SP9: variants seen among roughly 807,000 people sequenced by gnomAD.
The protein encoded by SP9 is transcription factor Sp9.
In SP9, 5 loss-of-function variants were observed where a neutral mutation model predicts 23.0. The ratio of observed to expected loss-of-function variants is 0.22; its 90% CI spans 0.11 to 0.46. The LOEUF is 0.46. Among genes scored for constraint, SP9 ranks in the 20% least tolerant of loss-of-function variants. The probability of loss-of-function intolerance (pLI) is 0.99; values close to 1 mark genes in which losing one functional copy is unlikely to be tolerated. For missense variants in SP9, 542 were observed against 724.0 expected (o/e 0.75, Z 2.88); for synonymous variants, 360 against 356.5 (o/e 1.01, Z -0.11).
Position 174,336,981 on chromosome 2 carries a change from C to T in SP9, c.896C>T (p.Ala299Val). Reference protein sequence around the residue: ...AAAGGSSARSARRYSGRATCD... With the variant: ...AAAGGSSARSVRRYSGRATCD... ...GCCGGGGGGAGCTCGGCACGCTCTGCCCGCCGCTACTCGGGCCGCGCCACC... is the reference window on the plus strand; with the variant it reads ...GCCGGGGGGAGCTCGGCACGCTCTGTCCGCCGCTACTCGGGCCGCGCCACC... The change falls in exon 2 of 2, where the codon GCC becomes GTC. Residue 299 changes from alanine to valine, a missense_variant. By Grantham distance (64) the Ala-to-Val change is moderately conservative. Coordinates refer to ENST00000394967, the MANE Select transcript of SP9 (RefSeq NM_001145250.2). The T allele has an allele frequency of 2.8e-6, 4 of 1,437,094 alleles. No homozygotes were observed. The highest frequency in any genetic ancestry group is 2.9e-5 in the East Asian group (1 of 34,136). The allele number at this position is 1,437,094 out of a possible 1,614,324, so 89.0% of individuals were successfully genotyped here.
rs898034776 is a variant in SP9, at chr2:174,337,474, G to A, written c.1389G>A (p.Ala463=). The A allele has an allele frequency of 1.7e-5, 19 of 1,101,160 alleles. No homozygotes were observed. Among genetic ancestry groups the A allele is most frequent in the Admixed American group, 4.8e-5 (1 of 20,652 alleles). The allele number at this position is 1,101,160 out of a possible 1,614,324, so 68.2% of individuals were successfully genotyped here. Residue 463 remains alanine, a synonymous_variant, in exon 2 of 2, where the codon GCG becomes GCA. Coordinates refer to ENST00000394967, the MANE Select transcript of SP9 (RefSeq NM_001145250.2). ...ARAAAAAAAA[A]AAAAAAASAG... The stretch of plus-strand genomic sequence containing the variant: ...CGGCGGCAGCGGCGGCGGCGGCAGC[G>A]GCGGCGGCGGCGGCGGCGGCCTCCG...
Position 174,337,450 on chromosome 2 carries a change from G to T in SP9, c.1365G>T (p.Ala455=). 6 of 1,248,208 alleles carry T rather than the reference G, an allele frequency of 4.8e-6. No homozygotes were observed. Among genetic ancestry groups the T allele is most frequent in the Non-Finnish European group, 6.1e-6 (6 of 982,620 alleles). The allele number at this position is 1,248,208 out of a possible 1,614,324, so 77.3% of individuals were successfully genotyped here. A position where few individuals can be genotyped will look rare whatever the true frequency, so the allele number is the denominator to read the frequency against. Residue 455 remains alanine (A), a synonymous_variant, in exon 2 of 2, where the codon GCG becomes GCT. Coordinates refer to ENST00000394967, the MANE Select transcript of SP9 (RefSeq NM_001145250.2). ...ACTCCGGCGTCAGTGCCGCCCGGGCGGCGGCAGCGGCGGCGGCGGCAGCGG... is the reference window on the plus strand; with the variant it reads ...ACTCCGGCGTCAGTGCCGCCCGGGCTGCGGCAGCGGCGGCGGCGGCAGCGG... The part of the protein sequence containing the change: ...LHDSGVSAAR[A]AAAAAAAAAA...
Position 174,336,510 on chromosome 2 carries a change from C to T in SP9, c.425C>T (p.Ala142Val). ...ATTTCCAAGGTGCACACGACGGCAG[C>T]CGACGGGCTGTACCCGCGCGTGGGC... Reference protein sequence around the residue: ...AFISKVHTTAADGLYPRVGMA... With the variant: ...AFISKVHTTAVDGLYPRVGMA... Residue 142 changes from alanine (A) to valine (V), a missense_variant, in exon 2 of 2, where the codon GCC (alanine) becomes GTC (valine). Physicochemically the swap from Ala to Val is moderately conservative, Grantham distance 64 (BLOSUM62 0). Transcript: ENST00000394967. 7 of 1,466,186 alleles carry T rather than the reference C, an allele frequency of 4.8e-6. No individual in the cohort carries two copies. Among genetic ancestry groups the T allele is most frequent in the Non-Finnish European group, 5.4e-6 (6 of 1,112,476 alleles). 90.8% of individuals were successfully genotyped at this position (1,466,186 alleles called of 1,614,324 possible).
In SP9 at chr2:174,336,901, C is replaced by T; in HGVS notation, c.816C>T (p.Ala272=). ...PVLPSYSDSS[A]AVAAAAASAM... ...TGCCCTCCTATTCGGACTCCAGCGC[C>T]GCCGTGGCAGCCGCCGCCGCCAGCG... The change falls in exon 2 of 2, where the codon GCC becomes GCT. Residue 272 remains alanine (A), a synonymous_variant. Coordinates refer to ENST00000394967, the MANE Select transcript of SP9 (RefSeq NM_001145250.2). The T allele has an allele frequency of 4.0e-6, 6 of 1,489,522 alleles. No individual in the cohort carries two copies. The highest frequency in any genetic ancestry group is 5.3e-6 in the Non-Finnish European group (6 of 1,126,806). 92.3% of individuals were successfully genotyped at this position (1,489,522 alleles called of 1,614,324 possible).
At position 174,338,473 on chromosome 2, in the gene SP9, T is replaced by C. The variant is rs1684454397; in HGVS notation, c.*933T>C. 6.6e-6 allele frequency: 1 copy of C among 152,242 alleles called. No homozygotes were observed. The highest frequency in any genetic ancestry group is 2.1e-4 in the South Asian group (1 of 4,832). The allele number at this position is 152,242 out of a possible 1,614,324, so 9.4% of individuals were successfully genotyped here. ...AAATCTTGACATCATATTTTCATTT[T>C]GGTATTATTAAAGGACTCTGAACAA... On this transcript the variant is annotated 3_prime_UTR_variant, in exon 2 of 2. Coordinates refer to ENST00000394967, the MANE Select transcript of SP9 (RefSeq NM_001145250.2).
rs529022403 is a variant in SP9 at position 174,336,332 on chromosome 2, G to A, written c.247G>A (p.Gly83Ser). ...CTCGGGCGGCCTGGCGGGCGGCTCG[G>A]GCGCCGCCAACAGCGCCTTCTGCCT... ...RGSGGLAGGS[G>S]AANSAFCLAS... The change falls in exon 2 of 2, where the codon GGC becomes AGC. Residue 83 changes from glycine (G) to serine (S), a missense_variant. Gly to Ser is a moderately conservative substitution (Grantham distance 56). Coordinates refer to ENST00000394967, the MANE Select transcript of SP9 (RefSeq NM_001145250.2). 9.3e-4 allele frequency: 1,387 copies of A among 1,498,386 alleles called. 11 individuals carry two copies. The African/African-American group carries it at 0.019, about 20-fold the overall frequency. 92.8% of individuals were successfully genotyped at this position (1,498,386 alleles called of 1,614,324 possible). A position where few individuals can be genotyped will look rare whatever the true frequency, so the allele number is the denominator to read the frequency against.
rs1684452706 is a variant in SP9 at position 174,338,306 on chromosome 2, G to A, written c.*766G>A. The A allele has an allele frequency of 6.6e-6, 1 of 152,064 alleles. No homozygotes were observed. The highest frequency in any genetic ancestry group is 1.5e-5 in the Non-Finnish European group (1 of 68,018). The allele number at this position is 152,064 out of a possible 1,614,324, so 9.4% of individuals were successfully genotyped here. A position where few individuals can be genotyped will look rare whatever the true frequency, so the allele number is the denominator to read the frequency against. On this transcript the variant is annotated 3_prime_UTR_variant, in exon 2 of 2. Coordinates refer to ENST00000394967, the MANE Select transcript of SP9 (RefSeq NM_001145250.2). ...TTTGGGTGAATCCCTGAAATTCAGG[G>A]AGTTTTTTTTAATTTTCTGATGCAC...
chr2:174,337,486 G>GGCGGCGGCCTCC lies in SP9; in HGVS notation c.1406_1417dup (p.Ala469_Ala472dup). 1 of 1,212,014 alleles carries GGCGGCGGCCTCC rather than the reference G, an allele frequency of 8.3e-7. No individual in the cohort carries two copies. The highest frequency in any genetic ancestry group is 1.0e-6 in the Non-Finnish European group (1 of 970,272). The allele number at this position is 1,212,014 out of a possible 1,614,324, so 75.1% of individuals were successfully genotyped here. On this transcript the variant is annotated inframe_insertion, in exon 2 of 2. Coordinates refer to ENST00000394967, the MANE Select transcript of SP9 (RefSeq NM_001145250.2). ...CGGCGGCGGCAGCGGCGGCGGCGGC[G>GGCGGCGGCCTCC]GCGGCGGCCTCCGCGGGAGGCAAGG...
In SP9 at chr2:174,336,989, T is replaced by C; in HGVS notation, c.904T>C (p.Tyr302His). The C allele has an allele frequency of 6.9e-7, 1 of 1,443,910 alleles. No homozygotes were observed. Among genetic ancestry groups the C allele is most frequent in the South Asian group, 1.4e-5 (1 of 70,206 alleles). The allele number at this position is 1,443,910 out of a possible 1,614,324, so 89.4% of individuals were successfully genotyped here. Residue 302 changes from tyrosine (Y) to histidine (H), a missense_variant, in exon 2 of 2, where the codon TAC (tyrosine) becomes CAC (histidine). By Grantham distance (83) the Tyr-to-His change is moderately conservative. Coordinates refer to ENST00000394967, the MANE Select transcript of SP9 (RefSeq NM_001145250.2). ...GGSSARSARR[Y>H]SGRATCDCPN... Reference sequence around the variant, plus strand: ...GAGCTCGGCACGCTCTGCCCGCCGCTACTCGGGCCGCGCCACCTGCGACTG... The same window carrying C: ...GAGCTCGGCACGCTCTGCCCGCCGCCACTCGGGCCGCGCCACCTGCGACTG...
rs754681222 is a variant in SP9 at position 174,337,456 on chromosome 2, AGCGGCGGCGGCGGCAGCGGCGGCGGCG to A, written c.1383_1409del (p.Ala462_Ala470del). ...GCGTCAGTGCCGCCCGGGCGGCGGC[AGCGGCGGCGGCGGCAGCGGCGGCGGCG>A]GCGGCGGCGGCCTCCGCGGGAGGCA... On this transcript the variant is annotated inframe_deletion, in exon 2 of 2. Transcript: ENST00000394967. 1.5e-4 allele frequency: 195 copies of A among 1,265,872 alleles called. 35 individuals carry two copies. The highest frequency in any genetic ancestry group is 5.3e-4 in the South Asian group (18 of 33,868). 78.4% of individuals were successfully genotyped at this position (1,265,872 alleles called of 1,614,324 possible).
chr2:174,336,247 G>T lies in SP9; in HGVS notation c.162G>T (p.Ser54=). The part of the protein sequence containing the change: ...KGGFHPWKRS[S]SSCNLGSSLS... ...GCTTTCACCCCTGGAAGCGCTCCTC[G>T]TCCAGCTGCAACCTCGGCTCCAGCC... The change falls in exon 2 of 2, where the codon TCG becomes TCT. Residue 54 remains serine (S), a synonymous_variant. Coordinates refer to ENST00000394967, the MANE Select transcript of SP9 (RefSeq NM_001145250.2). 1 of 1,546,564 alleles carries T rather than the reference G, an allele frequency of 6.5e-7. No homozygotes were observed.
intron 1 of SP9, 28 bp downstream of exon 1, chr2:174,335,141 G>A: frequency 6.4e-7 from 1 of 1,551,592 alleles, no homozygotes; most frequent in Non-Finnish European, 8.7e-7. Context: ...CAACGCATTT[G>A]CTTGTTTTAA....
rs924534487 is a variant in SP9, at chr2:174,337,729, C to G, written c.*189C>G. Reference sequence around the variant, plus strand: ...GTTCGCCCGCTGTGCGAGGAGCTCCCCTCTGCCTTCCGCGCCCGGATAAGA... The same window carrying G: ...GTTCGCCCGCTGTGCGAGGAGCTCCGCTCTGCCTTCCGCGCCCGGATAAGA... On this transcript the variant is annotated 3_prime_UTR_variant, in exon 2 of 2. Coordinates refer to ENST00000394967, the MANE Select transcript of SP9 (RefSeq NM_001145250.2). The G allele has an allele frequency of 1.6e-5, 10 of 642,056 alleles. No individual in the cohort carries two copies. The South Asian group carries it at 7.0e-4, about 45-fold the overall frequency. 39.8% of individuals were successfully genotyped at this position (642,056 alleles called of 1,614,324 possible). A position where few individuals can be genotyped will look rare whatever the true frequency, so the allele number is the denominator to read the frequency against.
rs1289438444 is a variant in SP9 at position 174,336,322 on chromosome 2, G to T, written c.237G>T (p.Ala79=). Residue 79 remains alanine, a synonymous_variant, in exon 2 of 2, where the codon GCG becomes GCT. Coordinates refer to ENST00000394967, the MANE Select transcript of SP9 (RefSeq NM_001145250.2). ...GGGGCCGTGGCTCGGGCGGCCTGGC[G>T]GGCGGCTCGGGCGCCGCCAACAGCG... ...ATGGRGSGGL[A]GGSGAANSAF... is the part of the protein sequence containing the mutation. 6.7e-7 allele frequency: 1 copy of T among 1,496,476 alleles called. No individual in the cohort carries two copies. Among genetic ancestry groups the T allele is most frequent in the Non-Finnish European group, 8.8e-7 (1 of 1,130,166 alleles). 92.7% of individuals were successfully genotyped at this position (1,496,476 alleles called of 1,614,324 possible). A position where few individuals can be genotyped will look rare whatever the true frequency, so the allele number is the denominator to read the frequency against.
In SP9 at chr2:174,337,268, C is replaced by A. The variant is rs760144923; in HGVS notation, c.1183C>A (p.Pro395Thr). ...CACGGGCGAGAAGCGCTTCGCCTGTCCGGTGTGCAACAAGCGCTTCATGCG... is the reference window on the plus strand; with the variant it reads ...CACGGGCGAGAAGCGCTTCGCCTGTACGGTGTGCAACAAGCGCTTCATGCG... ...THTGEKRFAC[P>T]VCNKRFMRSD... Residue 395 changes from proline to threonine, a missense_variant, in exon 2 of 2, where the codon CCG becomes ACG. Pro to Thr is a conservative substitution (Grantham distance 38, BLOSUM62 -1). Transcript: ENST00000394967. 1.5e-5 allele frequency: 23 copies of A among 1,563,666 alleles called. No homozygotes were observed. Among genetic ancestry groups the A allele is most frequent in the Non-Finnish European group, 2.0e-5 (23 of 1,154,240 alleles).
rs1684441787 is a variant in SP9, at chr2:174,337,643, G to A, written c.*103G>A. On this transcript the variant is annotated 3_prime_UTR_variant, in exon 2 of 2. Transcript: ENST00000394967. ...GGGAGGCGGGAGGGCAGGGGCTTCA[G>A]TGACGCCCCCAGGGCCCGGGCTGGG... 8 of 1,043,882 alleles carry A rather than the reference G, an allele frequency of 7.7e-6. No homozygotes were observed. Among genetic ancestry groups the A allele is most frequent in the Non-Finnish European group, 9.2e-6 (8 of 866,626 alleles). The allele number at this position is 1,043,882 out of a possible 1,614,324, so 64.7% of individuals were successfully genotyped here.
At chr2:174,335,272 G>A in intron 1 of SP9, 159 bp downstream of exon 1, 2 of 756,670 alleles carry the variant, frequency 2.6e-6, no homozygotes, top group East Asian at 2.9e-5. Context: ...TTTTCCCCAA[G>A]TTTTTGGAAC....
Position 174,337,456 on chromosome 2 carries a change from AGCGGCGGCG to A in SP9, c.1377_1385del (p.Ala468_Ala470del). On this transcript the variant is annotated inframe_deletion, in exon 2 of 2. Transcript: ENST00000394967. Reference sequence around the variant, plus strand: ...GCGTCAGTGCCGCCCGGGCGGCGGCAGCGGCGGCGGCGGCAGCGGCGGCGGCGGCGGCGG... The same window carrying A: ...GCGTCAGTGCCGCCCGGGCGGCGGCAGCGGCAGCGGCGGCGGCGGCGGCGG... The A allele has an allele frequency of 1.6e-6, 2 of 1,265,938 alleles. No individual in the cohort carries two copies. The highest frequency in any genetic ancestry group is 2.0e-6 in the Non-Finnish European group (2 of 999,718). 78.4% of individuals were successfully genotyped at this position (1,265,938 alleles called of 1,614,324 possible).
rs749756645 is a variant in SP9, at chr2:174,337,156, G to A, written c.1071G>A (p.Thr357=). ...TGAAGGCGCACCTGCGCTGGCACAC[G>A]GGCGAGCGGCCCTTCGTGTGCAACT... is the stretch of plus-strand genomic sequence containing the variant. ...SHLKAHLRWH[T]GERPFVCNWL... The change falls in exon 2 of 2, where the codon ACG becomes ACA. Residue 357 remains threonine (T), a synonymous_variant. Transcript: ENST00000394967. The A allele has an allele frequency of 3.1e-6, 5 of 1,607,106 alleles. No individual in the cohort carries two copies. The South Asian group carries it at 5.6e-5, about 18-fold the overall frequency.
Sources: allele counts gnomAD v4.1 joint callset, GRCh38; gene constraint gnomAD v4.1.1; transcripts MANE v1.5; gene names NCBI Gene and HGNC (gene_info 2026-07-23, HGNC 2026-07-21).